Variants in SEL1L3 observed in about 807,000 individuals in gnomAD.
SEL1L3 encodes protein sel-1 homolog 3.
Under a neutral mutation model 142.8 loss-of-function variants are expected in SEL1L3, and 76 were observed. The ratio of observed to expected loss-of-function variants is 0.53; its 90% CI spans 0.44 to 0.64. The LOEUF is 0.64. Among genes scored for constraint, SEL1L3 ranks in the 30% least tolerant of loss-of-function variants. The probability of loss-of-function intolerance (pLI) is 0.00; values close to 1 mark genes in which losing one functional copy is unlikely to be tolerated. For synonymous variants in SEL1L3, 504 were observed against 519.6 expected (o/e 0.97, Z 0.41); for missense variants, 1,262 against 1,381.7 (o/e 0.91, Z 1.37).
At chr4:25,857,338 T>C (rs1398721432) in intron 1 of SEL1L3, among the ~76,000 whole-genome samples, 1 of 152,248 alleles carries the variant, frequency 6.6e-6, no homozygotes, top group Non-Finnish European at 1.5e-5. Flanking sequence ...TCAATATTCC[T>C]GGTTGTGTAA....
intron 23 of SEL1L3, among the ~76,000 whole-genome samples, chr4:25,753,131 G>A (rs1037353016): frequency 3.9e-5 from 6 of 152,210 alleles, no homozygotes; most frequent in East Asian, 3.9e-4. Context: ...ACCGTCCTGC[G>A]CGGCTAGCCT....
intron 5 of SEL1L3, among the ~76,000 whole-genome samples, chr4:25,832,133 A>G (rs1387113188): frequency 1.3e-5 from 2 of 152,210 alleles, no homozygotes; most frequent in African/African-American, 4.8e-5. Flanking sequence ...CCCAGCTAAC[A>G]TTTTACAGAC....
At chr4:25,732,458 C>T in the SEL1L3 span, among the ~76,000 whole-genome samples, 3 of 152,158 alleles carry the variant, frequency 2.0e-5, no homozygotes, top group East Asian at 5.8e-4. Flanking sequence ...TTTACATTTC[C>T]ACCAACAGTA....
At chr4:25,730,629 T>C in the SEL1L3 span, among the ~76,000 whole-genome samples, 3 of 152,110 alleles carry the variant, frequency 2.0e-5, no homozygotes, top group Non-Finnish European at 1.5e-5. Flanking sequence ...ACATCTGCGC[T>C]CAATAAACCT....
rs533264839 is a variant in SEL1L3 at position 25,797,454 on chromosome 4, G to A, written c.1956+4829C>T. Among the ~76,000 whole-genome samples the A allele has an allele frequency of 8.7e-4, 132 of 152,274 alleles. 2 individuals carry two copies. The highest frequency in any genetic ancestry group is 3.4e-3 in the Middle Eastern group (1 of 294). ...CAGTAGGAGTGCGTGTGTTTTCTTT[G>A]TAGAAATTTAACACTTTAGGGACTT... is the stretch of plus-strand genomic sequence containing the variant. On this transcript the variant is annotated intron_variant, in intron 11 of 23. Coordinates refer to ENST00000399878, the MANE Select transcript of SEL1L3 (RefSeq NM_015187.5).
At chr4:25,800,171 G>A (rs1228617862) in intron 11 of SEL1L3, among the ~76,000 whole-genome samples, 1 of 152,176 alleles carries the variant, frequency 6.6e-6, no homozygotes, top group Non-Finnish European at 1.5e-5. Flanking sequence ...TTATTGATGG[G>A]TCCTTGGTTT....
chr4:25,756,870 G>C, intron 23 of SEL1L3: 1 of 1,284,088 alleles, frequency 7.8e-7, no homozygotes, highest in Non-Finnish European at 1.0e-6. Flanking sequence ...GCTGCCAGGA[G>C]CTTTGGCGCT....
intron 21 of SEL1L3, among the ~76,000 whole-genome samples, chr4:25,758,674 CTTTTTT>C (rs200110152): frequency 3.5e-5 from 5 of 141,326 alleles, no homozygotes; most frequent in Non-Finnish European, 7.8e-5. Flanking sequence ...TCTTTTCTTT[CTTTTTT>C]TTTTTTTTCT....
intron 23 of SEL1L3, among the ~76,000 whole-genome samples, chr4:25,755,321 T>G (rs1577555355): frequency 6.6e-6 from 1 of 152,020 alleles, no homozygotes; most frequent in East Asian, 1.9e-4. Flanking sequence ...CAGGTTGGTC[T>G]CAAACCCCTG....
At position 25,822,074 on chromosome 4, in the gene SEL1L3, C is replaced by G. The variant is rs1392123269; in HGVS notation, c.1212G>C (p.Gly404=). 6 of 1,613,922 alleles carry G rather than the reference C, an allele frequency of 3.7e-6. No individual in the cohort carries two copies. In the South Asian group the frequency reaches 6.6e-5, roughly 18 times the overall value. Residue 404 remains glycine (G), a synonymous_variant, in exon 7 of 24, where the codon GGG becomes GGC. Coordinates refer to ENST00000399878, the MANE Select transcript of SEL1L3 (RefSeq NM_015187.5). ...CTTCAATGCCAGCCACATACCTGCT[C>G]CCTCCAATAATGAAGTACCCAGCTG... ...NDTAGYFIIG[G]SRYVAGIEGF...
chr4:25,743,168 A>G (rs1717167713), downstream of SEL1L3, among the ~76,000 whole-genome samples: 3 of 152,224 alleles, frequency 2.0e-5, no homozygotes, highest in Admixed American at 2.0e-4. Flanking sequence ...GTTTTTTCAC[A>G]TCATTAGAGT....
intron 20 of SEL1L3, among the ~76,000 whole-genome samples, chr4:25,762,780 C>T (rs918886867): frequency 2.0e-5 from 3 of 152,048 alleles, no homozygotes; most frequent in Non-Finnish European, 4.4e-5. Context: ...GAGATGAAGA[C>T]CATCCTGCCC....
chr4:25,752,033 C>T (rs1421232762), intron 23 of SEL1L3, among the ~76,000 whole-genome samples: 2 of 145,646 alleles, frequency 1.4e-5, no homozygotes, highest in Admixed American at 1.4e-4. Context: ...CGCTTGAACC[C>T]GGGAGGCGGA....
chr4:25,755,697 G>T (rs1281980087), intron 23 of SEL1L3, among the ~76,000 whole-genome samples: 1 of 152,116 alleles, frequency 6.6e-6, no homozygotes, highest in African/African-American at 2.4e-5. Context: ...ATGAAGGCAT[G>T]GAGACAGAAA....
At chr4:25,848,441 A>G (rs1280118815) in intron 1 of SEL1L3, among the ~76,000 whole-genome samples, 1 of 152,236 alleles carries the variant, frequency 6.6e-6, no homozygotes, top group Non-Finnish European at 1.5e-5. Context: ...GTCACACACA[A>G]GTAAGCTCAG....
intron 23 of SEL1L3, chr4:25,756,316 G>A (rs1034354012): frequency 2.6e-5 from 26 of 985,116 alleles, no homozygotes; most frequent in Non-Finnish European, 3.0e-5. Flanking sequence ...TACTATGCAT[G>A]AGTTATCACA....
upstream of SEL1L3, among the ~76,000 whole-genome samples, chr4:25,863,277 GCTCTCTGCGATCCCCCTC>G (rs1270378225): frequency 9.9e-6 from 1 of 100,856 alleles, no homozygotes; most frequent in Non-Finnish European, 1.9e-5. Flanking sequence ...CCGCGCTCCT[GCTCTCTGCGATCCCCCTC>G]CTCTCCCTCC....
chr4:25,824,938 G>A (rs1451623345), intron 6 of SEL1L3, among the ~76,000 whole-genome samples: 2 of 152,040 alleles, frequency 1.3e-5, no homozygotes, highest in African/African-American at 2.4e-5. Flanking sequence ...ATTTTCACAA[G>A]TATCTTTGCT....
At chr4:25,833,635 A>C in intron 3 of SEL1L3, 66 bp from the exon 4 acceptor site, 2 of 1,387,634 alleles carry the variant, frequency 1.4e-6, no homozygotes, top group South Asian at 2.9e-5. Flanking sequence ...AATTATGGTT[A>C]ACAATGACCA....
Sources: gnomAD v4.1 joint callset for allele counts (sites outside exome capture counted in the v4.1 genomes callset) on GRCh38, gnomAD v4.1.1 for gene constraint, MANE v1.5 for transcripts, NCBI Gene and HGNC (gene_info 2026-07-23, HGNC 2026-07-21) for gene names.